The following HOXC11 variants were observed in gnomAD, a reference collection of about 807,000 sequenced individuals.
HOXC11 encodes the protein homeobox C11.
Under a neutral mutation model 23.6 loss-of-function variants are expected in HOXC11, and 17 were observed. The observed-to-expected ratio is 0.72, with a 90% CI of 0.49 to 1.08. The LOEUF is 1.08. Among genes scored for constraint, HOXC11 ranks in the 50% least tolerant of loss-of-function variants. The pLI, the probability that HOXC11 is intolerant of heterozygous loss-of-function variation, is 0.00. For missense variants in HOXC11, 413 were observed against 412.1 expected, an observed-to-expected ratio of 1.00 and a Z score of -0.02; for synonymous variants, 196 against 183.8, an observed-to-expected ratio of 1.07 and a Z score of -0.54.
rs1939185748 is a variant in HOXC11 at position 53,973,481 on chromosome 12, C to G, written c.240C>G (p.Ser80=). ...AGGTCTCCTACGGCCTGGAGCCATC[C>G]GGCAAGTGGCACCATCGGAACAGCT... The part of the protein sequence containing the change: ...VREVSYGLEP[S]GKWHHRNSYS... The change falls in exon 1 of 2, where the codon TCC becomes TCG. Residue 80 remains serine, a synonymous_variant. Coordinates refer to ENST00000546378, the MANE Select transcript of HOXC11 (RefSeq NM_014212.4). This position sits in a 1 kb window ranked among gnomAD's most constrained non-coding sequence, Gnocchi z 4.3. The G allele has an allele frequency of 6.2e-7, 1 of 1,614,146 alleles. No individual in the cohort carries two copies. The highest frequency in any genetic ancestry group is 8.5e-7 in the Non-Finnish European group (1 of 1,180,032).
At position 53,973,670 on chromosome 12, in the gene HOXC11, G is replaced by C. The variant is rs1271646693; in HGVS notation, c.429G>C (p.Lys143Asn). ...CCGGCTTCTACTCCTCAGTCAACAA[G>C]AACAGCGTCCTGCCTCAAGCCTTCG... ...TPAGFYSSVN[K>N]NSVLPQAFDR... The change falls in exon 1 of 2, where the codon AAG (lysine) becomes AAC (asparagine). Residue 143 changes from lysine to asparagine, a missense_variant. Transcript: ENST00000546378. This position sits in a 1 kb window ranked among gnomAD's most constrained non-coding sequence, Gnocchi z 4.3. 3 of 1,613,696 alleles carry C rather than the reference G, an allele frequency of 1.9e-6. No homozygotes were observed. The highest frequency in any genetic ancestry group is 1.7e-5 in the Admixed American group (1 of 60,028).
At chr12:53,975,153 T>C in intron 1 of HOXC11, 28 bp from the exon 2 acceptor site, 4 of 654,292 alleles carry the variant, frequency 6.1e-6, no homozygotes, top group South Asian at 1.7e-5. Context: ...CCCCCTCTCC[T>C]CGCACTTGCC....
chr12:53,973,847 G>A lies in HOXC11; in HGVS notation c.606G>A (p.Glu202=), dbSNP rs1939197465. 4 of 1,490,616 alleles carry A rather than the reference G, an allele frequency of 2.7e-6. No individual in the cohort carries two copies. Among genetic ancestry groups the A allele is most frequent in the Non-Finnish European group, 3.6e-6 (4 of 1,125,118 alleles). The allele number at this position is 1,490,616 out of a possible 1,614,324, so 92.3% of individuals were successfully genotyped here. ...AGGCGGGTGCCGAGGCGGAGGCTGA[G>A]GAGGAGAACACAAATCCCAGCTCGT... The part of the protein sequence containing the change: ...RAEAGAEAEA[E]EENTNPSSSG... The change falls in exon 1 of 2, where the codon GAG becomes GAA. Residue 202 remains glutamate (E), a synonymous_variant. Transcript: ENST00000546378. The surrounding 1 kb of genome is among the most constrained non-coding windows in gnomAD (Gnocchi z 4.3).
chr12:53,975,290 G>T lies in HOXC11; in HGVS notation c.792G>T (p.Gln264His), dbSNP rs1939236164. ...NVYINKEKRL[Q>H]LSRMLNLTDR... Reference sequence around the variant, plus strand: ...ATATCAACAAAGAGAAGCGGCTGCAGCTGTCCCGGATGCTGAACCTGACGG... The same window carrying T: ...ATATCAACAAAGAGAAGCGGCTGCATCTGTCCCGGATGCTGAACCTGACGG... The change falls in exon 2 of 2, where the codon CAG (glutamine) becomes CAT (histidine). Residue 264 changes from glutamine to histidine, a missense_variant. Physicochemically the swap from Gln to His is conservative, Grantham distance 24. Transcript: ENST00000546378. The T allele has an allele frequency of 6.2e-7, 1 of 1,613,698 alleles. No individual in the cohort carries two copies. The highest frequency in any genetic ancestry group is 8.5e-7 in the Non-Finnish European group (1 of 1,179,916).
Position 53,973,158 on chromosome 12 carries a change from C to A in HOXC11, c.-84C>A. Reference sequence around the variant, plus strand: ...GAGAGAGAGAGACTAAGACGGATAACGCGTCATCTCGCCTTCCCAAATTTT... The same window carrying A: ...GAGAGAGAGAGACTAAGACGGATAAAGCGTCATCTCGCCTTCCCAAATTTT... On this transcript the variant is annotated 5_prime_UTR_variant, in exon 1 of 2. Coordinates refer to ENST00000546378, the MANE Select transcript of HOXC11 (RefSeq NM_014212.4). This position sits in a 1 kb window ranked among gnomAD's most constrained non-coding sequence, Gnocchi z 4.3. The A allele has an allele frequency of 1.0e-6, 1 of 988,560 alleles. No homozygotes were observed. Among genetic ancestry groups the A allele is most frequent in the Non-Finnish European group, 1.5e-6 (1 of 673,234 alleles). 61.2% of individuals were successfully genotyped at this position (988,560 alleles called of 1,614,324 possible).
Position 53,975,706 on chromosome 12 carries a change from C to A in HOXC11, c.*293C>A, listed in dbSNP as rs1260297501. ...AGACTTTGATTTAAAAGAAAACACA[C>A]CTCGGCGACAATGTCTTGCTGCTCG... is the stretch of plus-strand genomic sequence containing the variant. On this transcript the variant is annotated 3_prime_UTR_variant, in exon 2 of 2. Coordinates refer to ENST00000546378, the MANE Select transcript of HOXC11 (RefSeq NM_014212.4). 4 of 554,138 alleles carry A rather than the reference C, an allele frequency of 7.2e-6. No individual in the cohort carries two copies. The East Asian group carries it at 9.0e-5, about 12-fold the overall frequency. 34.3% of individuals were successfully genotyped at this position (554,138 alleles called of 1,614,324 possible). A position where few individuals can be genotyped will look rare whatever the true frequency, so the allele number is the denominator to read the frequency against.
chr12:53,973,418 C>A lies in HOXC11; in HGVS notation c.177C>A (p.Ile59=). 2 of 1,614,232 alleles carry A rather than the reference C, an allele frequency of 1.2e-6. No individual in the cohort carries two copies. The highest frequency in any genetic ancestry group is 1.7e-6 in the Non-Finnish European group (2 of 1,180,048). Residue 59 remains isoleucine (I), a synonymous_variant, in exon 1 of 2, where the codon ATC becomes ATA. Transcript: ENST00000546378. The surrounding 1 kb of genome is among the most constrained non-coding windows in gnomAD (Gnocchi z 4.3). ...TGCCCCAGGCCCCCTCTCGTCAGAT[C>A]TCCTATCCCTACTCGGCCCAAGTGC... ...SFLPQAPSRQ[I]SYPYSAQVPP... is the part of the protein sequence containing the mutation.
In HOXC11 at chr12:53,975,260, C is replaced by T. The variant is rs34788593; in HGVS notation, c.762C>T (p.Asn254=). The T allele has an allele frequency of 5.9e-4, 954 of 1,613,240 alleles. 5 individuals carry two copies. In the African/African-American group the frequency reaches 0.012, roughly 20 times the overall value. ...IRELEREFFF[N]VYINKEKRLQ... is the part of the protein sequence containing the mutation. ...AACTGGAGCGAGAGTTTTTCTTCAA[C>T]GTGTATATCAACAAAGAGAAGCGGC... Residue 254 remains asparagine, a synonymous_variant, in exon 2 of 2, where the codon AAC becomes AAT. Transcript: ENST00000546378.
Position 53,973,946 on chromosome 12 carries a change from CG to C in HOXC11, c.682+26del. The C allele has an allele frequency of 7.0e-7, 1 of 1,427,876 alleles. No homozygotes were observed. Among genetic ancestry groups the C allele is most frequent in the Non-Finnish European group, 9.2e-7 (1 of 1,088,864 alleles). The allele number at this position is 1,427,876 out of a possible 1,614,324, so 88.5% of individuals were successfully genotyped here. A position where few individuals can be genotyped will look rare whatever the true frequency, so the allele number is the denominator to read the frequency against. On this transcript the variant is annotated intron_variant, in intron 1 of 1. Coordinates refer to ENST00000546378, the MANE Select transcript of HOXC11 (RefSeq NM_014212.4). The surrounding 1 kb of genome is among the most constrained non-coding windows in gnomAD (Gnocchi z 4.3). ...CCAGTAGGTAGCAGCGGCCGGGGAA[CG>C]GGCGGGCAGCGAGGGAGGGAGCGAG...
At chr12:53,974,207 T>A (rs1013637641) in intron 1 of HOXC11, among the ~76,000 whole-genome samples, 1 of 151,886 alleles carries the variant, frequency 6.6e-6, no homozygotes, top group African/African-American at 2.4e-5. Context: ...CCTCGGTCTG[T>A]GAAATTTTTA....
Position 53,973,361 on chromosome 12 carries a change from C to T in HOXC11, c.120C>T (p.Tyr40=), listed in dbSNP as rs1302905374. The T allele has an allele frequency of 2.5e-6, 4 of 1,613,090 alleles. No individual in the cohort carries two copies. Among genetic ancestry groups the T allele is most frequent in the Non-Finnish European group, 3.4e-6 (4 of 1,179,760 alleles). Residue 40 remains tyrosine (Y), a synonymous_variant, in exon 1 of 2, where the codon TAC becomes TAT. Transcript: ENST00000546378. The surrounding 1 kb of genome is among the most constrained non-coding windows in gnomAD (Gnocchi z 4.3). ...TCTATCTGCCCAGTTGCACTTACTA[C>T]ATGCCCGAGTTCTCCACGGTCTCCT... is the stretch of plus-strand genomic sequence containing the variant. ...SNLYLPSCTY[Y]MPEFSTVSSF...
chr12:53,975,093 C>A (rs1465125278), intron 1 of HOXC11, 88 bp from the exon 2 acceptor site: 3 of 647,558 alleles, frequency 4.6e-6, no homozygotes, highest in Admixed American at 2.9e-5. Context: ...GGAGAAGGGC[C>A]GCTGAGCGCT....
Position 53,975,798 on chromosome 12 carries a change from C to T in HOXC11, c.*385C>T. 2 of 463,700 alleles carry T rather than the reference C, an allele frequency of 4.3e-6. No homozygotes were observed. Among genetic ancestry groups the T allele is most frequent in the African/African-American group, 2.0e-5 (1 of 49,678 alleles). 28.7% of individuals were successfully genotyped at this position (463,700 alleles called of 1,614,324 possible). A position where few individuals can be genotyped will look rare whatever the true frequency, so the allele number is the denominator to read the frequency against. On this transcript the variant is annotated 3_prime_UTR_variant, in exon 2 of 2. Transcript: ENST00000546378. Reference sequence around the variant, plus strand: ...GAACAATCCTCGAACTAAAAGCCTTCCCTTGCCCATGTGAAAAGATCCGCT... The same window carrying T: ...GAACAATCCTCGAACTAAAAGCCTTTCCTTGCCCATGTGAAAAGATCCGCT...
chr12:53,973,640 C>A lies in HOXC11; in HGVS notation c.399C>A (p.Thr133=). The change falls in exon 1 of 2, where the codon ACC becomes ACA. Residue 133 remains threonine (T), a synonymous_variant. Transcript: ENST00000546378. This position sits in a 1 kb window ranked among gnomAD's most constrained non-coding sequence, Gnocchi z 4.3. The part of the protein sequence containing the change: ...GHHHPSAPHA[T]PAGFYSSVNK... Reference sequence around the variant, plus strand: ...ACCACCCCAGCGCCCCGCACGCAACCCCCGCCGGCTTCTACTCCTCAGTCA... The same window carrying A: ...ACCACCCCAGCGCCCCGCACGCAACACCCGCCGGCTTCTACTCCTCAGTCA... 2.5e-6 allele frequency: 4 copies of A among 1,613,794 alleles called. No individual in the cohort carries two copies. The highest frequency in any genetic ancestry group is 2.5e-6 in the Non-Finnish European group (3 of 1,180,020).
At position 53,975,661 on chromosome 12, in the gene HOXC11, C is replaced by A; in HGVS notation, c.*248C>A. On this transcript the variant is annotated 3_prime_UTR_variant, in exon 2 of 2. Coordinates refer to ENST00000546378, the MANE Select transcript of HOXC11 (RefSeq NM_014212.4). ...AAGTGTCTGATGCACGGCGAGTGAA[C>A]ACCGTTGGCGCCGAGGCCAAGACTT... 1.7e-6 allele frequency: 1 copy of A among 595,936 alleles called. No homozygotes were observed. 36.9% of individuals were successfully genotyped at this position (595,936 alleles called of 1,614,324 possible). A position where few individuals can be genotyped will look rare whatever the true frequency, so the allele number is the denominator to read the frequency against.
Position 53,973,703 on chromosome 12 carries a change from C to T in HOXC11, c.462C>T (p.Phe154=). ...NSVLPQAFDR[F]FDNAYCGGGD... is the part of the protein sequence containing the mutation. ...TCCTGCCTCAAGCCTTCGACCGTTT[C>T]TTCGACAACGCCTACTGCGGTGGCG... is the stretch of plus-strand genomic sequence containing the variant. The change falls in exon 1 of 2, where the codon TTC becomes TTT. Residue 154 remains phenylalanine, a synonymous_variant. Transcript: ENST00000546378. The surrounding 1 kb of genome is among the most constrained non-coding windows in gnomAD (Gnocchi z 4.3). 1 of 1,613,648 alleles carries T rather than the reference C, an allele frequency of 6.2e-7. No individual in the cohort carries two copies.
rs1462105377 is a variant in HOXC11, at chr12:53,973,904, G to A, written c.663G>A (p.Pro221=). 8.3e-6 allele frequency: 12 copies of A among 1,445,058 alleles called. No individual in the cohort carries two copies. Among genetic ancestry groups the A allele is most frequent in the African/African-American group, 1.4e-5 (1 of 69,140 alleles). 89.5% of individuals were successfully genotyped at this position (1,445,058 alleles called of 1,614,324 possible). A position where few individuals can be genotyped will look rare whatever the true frequency, so the allele number is the denominator to read the frequency against. ...CAGCCCACTCCGTGGCCAAGGAGCC[G>A]GCCAAAGGAGCCGCCCCCAGTAGGT... The part of the protein sequence containing the change: ...SGSAHSVAKE[P]AKGAAPNAPR... The change falls in exon 1 of 2, where the codon CCG becomes CCA. Residue 221 remains proline, a synonymous_variant. Transcript: ENST00000546378. The surrounding 1 kb of genome is among the most constrained non-coding windows in gnomAD (Gnocchi z 4.3).
chr12:53,975,633 G>GGGAA lies in HOXC11; in HGVS notation c.*222_*225dup. The GGGAA allele has an allele frequency of 1.6e-6, 1 of 626,732 alleles. No homozygotes were observed. The highest frequency in any genetic ancestry group is 1.8e-5 in the South Asian group (1 of 54,526). 38.8% of individuals were successfully genotyped at this position (626,732 alleles called of 1,614,324 possible). Reference sequence around the variant, plus strand: ...GGACCGGGCCTGGAAAGGGGGTGAAGGGAAGTGTCTGATGCACGGCGAGTG... The same window carrying GGGAA: ...GGACCGGGCCTGGAAAGGGGGTGAAGGGAAGGAAGTGTCTGATGCACGGCGAGTG... On this transcript the variant is annotated 3_prime_UTR_variant, in exon 2 of 2. Coordinates refer to ENST00000546378, the MANE Select transcript of HOXC11 (RefSeq NM_014212.4).
Position 53,977,504 on chromosome 12 carries a change from T to C in HOXC11, c.*2091T>C, listed in dbSNP as rs1409437649. ...GACAAGATTTGCAAACTAGGGTGTA[T>C]ATGCAGCCCACAATTCCCTCATGTG... On this transcript the variant is annotated 3_prime_UTR_variant, in exon 2 of 2. Coordinates refer to ENST00000546378, the MANE Select transcript of HOXC11 (RefSeq NM_014212.4). The C allele has an allele frequency of 6.6e-6, 1 of 152,210 alleles. No individual in the cohort carries two copies. The highest frequency in any genetic ancestry group is 1.9e-4 in the East Asian group (1 of 5,200). The allele number at this position is 152,210 out of a possible 1,614,324, so 9.4% of individuals were successfully genotyped here. A position where few individuals can be genotyped will look rare whatever the true frequency, so the allele number is the denominator to read the frequency against.
Sources: gnomAD v4.1 joint callset for allele counts (sites outside exome capture counted in the v4.1 genomes callset) on GRCh38, gnomAD v4.1.1 for gene constraint, Gnocchi (gnomAD v3.1) non-coding constraint, MANE v1.5 for transcripts, NCBI Gene and HGNC (gene_info 2026-07-23, HGNC 2026-07-21) for gene names.